C22orf31: variants seen among roughly 807,000 people sequenced by gnomAD.
C22orf31 encodes uncharacterized protein C22orf31.
In C22orf31, 11 loss-of-function variants were observed where a neutral mutation model predicts 15.0. The ratio of observed to expected loss-of-function variants is 0.73; its 90% confidence interval spans 0.46 to 1.21. The LOEUF (loss-of-function observed/expected upper bound fraction) is 1.21. C22orf31 is among the 50% of genes most tolerant of loss of function. The probability of loss-of-function intolerance (pLI) is 0.00; values close to 1 mark genes in which losing one functional copy is unlikely to be tolerated. For synonymous variants in C22orf31, 132 were observed against 133.3 expected (o/e 0.99, Z 0.07); for missense variants, 340 against 347.2 (o/e 0.98, Z 0.17).
chr22:29,063,572 A>G (rs1016002641), upstream of C22orf31, among the ~76,000 whole-genome samples: 2 of 152,196 alleles, frequency 1.3e-5, no homozygotes, highest in Non-Finnish European at 2.9e-5. Context: ...ACTCACTTCA[A>G]TTGACTATGC....
chr22:29,058,890 G>T lies in C22orf31; in HGVS notation c.725C>A (p.Ala242Asp). 1 of 1,614,164 alleles carries T rather than the reference G, an allele frequency of 6.2e-7. No individual in the cohort carries two copies. The highest frequency in any genetic ancestry group is 1.6e-4 in the Middle Eastern group (1 of 6,062). Residue 242 changes from alanine (A) to aspartate (D), a missense_variant, in exon 3 of 3, where the codon GCC becomes GAC. Ala to Asp is a moderately radical substitution (Grantham distance 126). Coordinates refer to ENST00000216071, the MANE Select transcript of C22orf31 (RefSeq NM_015370.2). Reference protein sequence around the residue: ...PKRYSLELGKAIKQKLWEALC... With the variant: ...PKRYSLELGKDIKQKLWEALC... ...AGCCTCCCAGAGCTTTTGTTTAATG[G>T]CCTTGCCCAGCTCCAGGCTGTACCT...
chr22:29,067,737 C>A, the C22orf31 span, among the ~76,000 whole-genome samples: 1 of 152,154 alleles, frequency 6.6e-6, no homozygotes, highest in Admixed American at 6.6e-5. Flanking sequence ...AGCCACCGTG[C>A]CCAGGCTATT....
At chr22:29,063,212 T>C (rs1472162990), upstream of C22orf31, among the ~76,000 whole-genome samples, 1 of 152,164 alleles carries the variant, frequency 6.6e-6, no homozygotes, top group Non-Finnish European at 1.5e-5. Flanking sequence ...TCCCCCAGGC[T>C]GGAGTGCAGT....
intron 2 of C22orf31, among the ~76,000 whole-genome samples, chr22:29,059,426 C>T (rs1284885231): frequency 1.3e-5 from 2 of 152,184 alleles, no homozygotes; most frequent in Non-Finnish European, 2.9e-5. Flanking sequence ...GGCCACACAG[C>T]TAGAAGGTTA....
chr22:29,071,488 A>G, the C22orf31 span, among the ~76,000 whole-genome samples: 1 of 152,134 alleles, frequency 6.6e-6, no homozygotes, highest in African/African-American at 2.4e-5. Flanking sequence ...AGTGTACCCA[A>G]GGCGTGCCGG....
At chr22:29,073,118 GCA>G in the C22orf31 span, 1 of 1,000,852 alleles carries the variant, frequency 1.0e-6, no homozygotes, top group Admixed American at 5.4e-5. The surrounding 1 kb of genome is among the most constrained non-coding windows in gnomAD (Gnocchi z 4.4). Context: ...CCGGGGCCCC[GCA>G]CTGACGGCCC....
At chr22:29,073,918 C>A in the C22orf31 span, among the ~76,000 whole-genome samples, 791 of 152,300 alleles carry the variant, frequency 5.2e-3, 5 homozygotes, top group Non-Finnish European at 8.7e-3. The surrounding 1 kb of genome is among the most constrained non-coding windows in gnomAD (Gnocchi z 4.4). Context: ...GGCTATACGC[C>A]CCTCTCCGAG....
the C22orf31 span, chr22:29,073,175 G>C: frequency 8.5e-7 from 1 of 1,173,998 alleles, no homozygotes; most frequent in Non-Finnish European, 1.0e-6. The surrounding 1 kb of genome is among the most constrained non-coding windows in gnomAD (Gnocchi z 4.4). Flanking sequence ...CCGCCGCGGC[G>C]CTCACGCTGG....
At chr22:29,071,523 C>G in the C22orf31 span, among the ~76,000 whole-genome samples, 1 of 151,970 alleles carries the variant, frequency 6.6e-6, no homozygotes, top group Non-Finnish European at 1.5e-5. Context: ...GCTCTGGGTG[C>G]GGCGAGTCTG....
intron 1 of C22orf31, 72 bp from the exon 2 acceptor site, chr22:29,060,915 G>A: frequency 2.4e-6 from 3 of 1,274,580 alleles, no homozygotes; most frequent in Non-Finnish European, 3.3e-6. Context: ...GGTCTACTTT[G>A]AAGGCAAAAT....
At chr22:29,066,539 C>CTTT (rs134565), upstream of C22orf31, among the ~76,000 whole-genome samples, 23 of 70,222 alleles carry the variant, frequency 3.3e-4, no homozygotes, top group South Asian at 1.1e-3. Flanking sequence ...CTTTTCTTTT[C>CTTT]TTTTTTTTTT....
intron 1 of C22orf31, among the ~76,000 whole-genome samples, chr22:29,061,054 A>G (rs112809337): frequency 6.6e-6 from 1 of 152,138 alleles, no homozygotes. Context: ...TTACAGTAAT[A>G]TTCAGGCTCT....
chr22:29,068,136 C>T, the C22orf31 span, among the ~76,000 whole-genome samples: 1 of 142,718 alleles, frequency 7.0e-6, no homozygotes, highest in African/African-American at 2.6e-5. Flanking sequence ...GGTTGGAGGA[C>T]AATGGCACTA....
chr22:29,070,603 C>G, the C22orf31 span, among the ~76,000 whole-genome samples: 1 of 152,260 alleles, frequency 6.6e-6, no homozygotes, highest in African/African-American at 2.4e-5. Context: ...TTAAAGTAGT[C>G]CAAAGGTTAG....
the C22orf31 span, chr22:29,073,249 C>T: frequency 9.3e-7 from 1 of 1,079,362 alleles, no homozygotes; most frequent in Non-Finnish European, 1.2e-6. The surrounding 1 kb of genome is among the most constrained non-coding windows in gnomAD (Gnocchi z 4.4). Flanking sequence ...CGACCCCCCG[C>T]CGCCCGCCCT....
rs764491791 is a variant in C22orf31, at chr22:29,060,742, C to T, written c.105G>A (p.Pro35=). 53 of 1,613,932 alleles carry T rather than the reference C, an allele frequency of 3.3e-5. No homozygotes were observed. The highest frequency in any genetic ancestry group is 7.7e-5 in the South Asian group (7 of 91,068). Reference sequence around the variant, plus strand: ...TGGCCATCCAGATGTTGGTGAGAGCCGGTGAGTCCACATAGCAGTCCTGAA... The same window carrying T: ...TGGCCATCCAGATGTTGGTGAGAGCTGGTGAGTCCACATAGCAGTCCTGAA... ...TRLQDCYVDS[P]ALTNIWMART... The change falls in exon 2 of 3, where the codon CCG becomes CCA. Residue 35 remains proline (P), a synonymous_variant. Transcript: ENST00000216071.
chr22:29,073,223 A>T, the C22orf31 span: 1 of 1,163,994 alleles, frequency 8.6e-7, no homozygotes, highest in African/African-American at 1.6e-5. The surrounding 1 kb of genome is among the most constrained non-coding windows in gnomAD (Gnocchi z 4.4). Flanking sequence ...TCGGCCCCGG[A>T]CCCGGTGAGT....
At chr22:29,071,892 G>A in the C22orf31 span, among the ~76,000 whole-genome samples, 2 of 152,212 alleles carry the variant, frequency 1.3e-5, no homozygotes, top group African/African-American at 2.4e-5. Context: ...ATTTCTGGAC[G>A]TTGCGTTGGG....
upstream of C22orf31, among the ~76,000 whole-genome samples, chr22:29,062,765 A>G (rs1392354310): frequency 1.3e-5 from 2 of 152,138 alleles, no homozygotes; most frequent in African/African-American, 4.8e-5. Flanking sequence ...AACCACCTCC[A>G]GGCCTATGGC....
Sources: allele counts gnomAD v4.1 joint callset (sites outside exome capture counted in the v4.1 genomes callset), GRCh38; gene constraint gnomAD v4.1.1; non-coding constraint Gnocchi (gnomAD v3.1); transcripts MANE v1.5; gene names NCBI Gene and HGNC (gene_info 2026-07-23, HGNC 2026-07-21).